The following KLF12 variants were observed in gnomAD, a reference collection of about 807,000 sequenced individuals.
KLF12 encodes KLF transcription factor 12.
KLF12 carries 9 observed loss-of-function variants against 37.8 expected under a neutral mutation model. That is an observed-to-expected ratio of 0.24 (90% CI 0.14 to 0.42). The LOEUF (loss-of-function observed/expected upper bound fraction) is 0.42, where lower values mean the gene tolerates loss of function less well. KLF12 is among the 10% of genes least tolerant of loss of function. The probability of loss-of-function intolerance (pLI) is 1.00; values close to 1 mark genes in which losing one functional copy is unlikely to be tolerated. For missense variants in KLF12, 411 were observed against 516.0 expected, an observed-to-expected ratio of 0.80 and a Z score of 1.97; for synonymous variants, 208 against 202.1, an observed-to-expected ratio of 1.03 and a Z score of -0.25.
intron 1 of KLF12, among the ~76,000 whole-genome samples, chr13:74,061,666 A>G (rs1234169693): frequency 6.6e-6 from 1 of 152,234 alleles, no homozygotes; most frequent in Non-Finnish European, 1.5e-5. Flanking sequence ...ATAACTTCCA[A>G]GTATCCCGAG....
At chr13:73,904,549 A>C (rs1013212845) in intron 3 of KLF12, among the ~76,000 whole-genome samples, 1 of 151,242 alleles carries the variant, frequency 6.6e-6, no homozygotes, top group African/African-American at 2.4e-5. Flanking sequence ...TTTGGGTCCA[A>C]AAAGGCCAAG....
intron 3 of KLF12, among the ~76,000 whole-genome samples, chr13:73,903,419 T>C (rs1160436111): frequency 6.6e-6 from 1 of 152,196 alleles, no homozygotes; most frequent in Non-Finnish European, 1.5e-5. Flanking sequence ...GATATAATAT[T>C]TGGAAATATA....
intron 1 of KLF12, among the ~76,000 whole-genome samples, chr13:74,047,072 TG>T (rs1181015726): frequency 6.6e-6 from 1 of 152,100 alleles, no homozygotes; most frequent in Non-Finnish European, 1.5e-5. Context: ...ATAATGCAAC[TG>T]GATGTATATT....
chr13:73,975,084 A>T (rs984842824), intron 2 of KLF12, among the ~76,000 whole-genome samples: 16 of 152,230 alleles, frequency 1.1e-4, no homozygotes, highest in Non-Finnish European at 2.2e-4. Flanking sequence ...TTATTCCATT[A>T]GTAAAAGATG....
the KLF12 span, among the ~76,000 whole-genome samples, chr13:74,219,600 T>G: frequency 6.6e-6 from 1 of 152,154 alleles, no homozygotes; most frequent in Admixed American, 6.5e-5. Context: ...CACTAAAAAA[T>G]TTTTTTAGAA....
At chr13:73,960,869 C>T (rs902801387) in intron 2 of KLF12, among the ~76,000 whole-genome samples, 1 of 152,058 alleles carries the variant, frequency 6.6e-6, no homozygotes, top group Admixed American at 6.6e-5. Flanking sequence ...CAAATGGACA[C>T]ATTATACTAT....
chr13:73,735,522 T>C (rs1421741120), intron 6 of KLF12, among the ~76,000 whole-genome samples: 10 of 151,914 alleles, frequency 6.6e-5, no homozygotes, highest in African/African-American at 2.4e-4. Context: ...CAAGTGGGAA[T>C]GGGCTGAGCG....
chr13:73,809,377 AAAG>A (rs1370780232), intron 5 of KLF12, among the ~76,000 whole-genome samples: 1 of 152,316 alleles, frequency 6.6e-6, no homozygotes, highest in Non-Finnish European at 1.5e-5. Flanking sequence ...ACAAACAGAA[AAAG>A]AAGAAAGAGA....
upstream of KLF12, among the ~76,000 whole-genome samples, chr13:74,138,672 C>T (rs1356886317): frequency 6.6e-6 from 1 of 152,100 alleles, no homozygotes. Flanking sequence ...TTCCACCTTC[C>T]TCCAGTCACT....
intron 4 of KLF12, among the ~76,000 whole-genome samples, chr13:73,840,046 C>T (rs1884657300): frequency 6.6e-6 from 1 of 152,166 alleles, no homozygotes; most frequent in Admixed American, 6.5e-5. Context: ...CACCAACTTA[C>T]TTCAGGCAGT....
chr13:74,003,568 A>T (rs919867415), intron 1 of KLF12, among the ~76,000 whole-genome samples: 1 of 152,214 alleles, frequency 6.6e-6, no homozygotes, highest in Non-Finnish European at 1.5e-5. Context: ...TAGGCATGCT[A>T]AGTCAGGACC....
At chr13:74,097,255 A>G (rs1876033780) in intron 1 of KLF12, among the ~76,000 whole-genome samples, 1 of 152,178 alleles carries the variant, frequency 6.6e-6, no homozygotes, top group Non-Finnish European at 1.5e-5. Context: ...GAGGGGTTAC[A>G]AAGGGACATG....
intron 2 of KLF12, among the ~76,000 whole-genome samples, chr13:73,979,674 GCACAA>G: frequency 6.6e-6 from 1 of 152,128 alleles, no homozygotes; most frequent in East Asian, 1.9e-4. Context: ...ACTAAATAAA[GCACAA>G]GGGGAGACAT....
At chr13:73,740,399 T>C (rs1566333383) in intron 6 of KLF12, among the ~76,000 whole-genome samples, 1 of 152,218 alleles carries the variant, frequency 6.6e-6, no homozygotes, top group Non-Finnish European at 1.5e-5. Flanking sequence ...CCACTCAGTC[T>C]ATGGCATTTT....
At chr13:73,768,091 T>C (rs983962668) in intron 5 of KLF12, among the ~76,000 whole-genome samples, 2 of 152,150 alleles carry the variant, frequency 1.3e-5, no homozygotes, top group Non-Finnish European at 2.9e-5. Flanking sequence ...AGAGTGAAAA[T>C]TGTGTGACCA....
At chr13:74,112,308 C>T (rs1207888325) in intron 1 of KLF12, among the ~76,000 whole-genome samples, 2 of 150,354 alleles carry the variant, frequency 1.3e-5, no homozygotes, top group East Asian at 1.9e-4. Flanking sequence ...TTTACTGACC[C>T]TGTCAGAATA....
intron 1 of KLF12, among the ~76,000 whole-genome samples, chr13:74,010,793 A>T (rs1358058336): frequency 6.6e-6 from 1 of 152,216 alleles, no homozygotes; most frequent in Non-Finnish European, 1.5e-5. Flanking sequence ...AATTTAGTTA[A>T]TAAATACAAC....
At chr13:73,717,965 A>G (rs1397491284) in intron 6 of KLF12, among the ~76,000 whole-genome samples, 3 of 142,412 alleles carry the variant, frequency 2.1e-5, no homozygotes, top group Admixed American at 7.0e-5. Flanking sequence ...TTATTTCCTG[A>G]AAAAAAGGAA....
intron 5 of KLF12, among the ~76,000 whole-genome samples, chr13:73,780,471 G>GTTTTTT (rs58306980): frequency 1.4e-5 from 2 of 145,372 alleles, no homozygotes; most frequent in Non-Finnish European, 1.5e-5. Flanking sequence ...CCAAGGAATG[G>GTTTTTT]TTTTTTTTTT....
Sources: gnomAD v4.1 joint callset for allele counts (sites outside exome capture counted in the v4.1 genomes callset) on GRCh38, gnomAD v4.1.1 for gene constraint, MANE v1.5 for transcripts, NCBI Gene and HGNC (gene_info 2026-07-23, HGNC 2026-07-21) for gene names.